Variants in DNAH14 observed in about 807,000 individuals in gnomAD.
The protein encoded by DNAH14 is axonemal beta dynein heavy chain 14.
Under a neutral mutation model 520.9 loss-of-function variants are expected in DNAH14, and 478 were observed. The observed-to-expected ratio is 0.92, with a 90% confidence interval of 0.85 to 0.99. The LOEUF is 0.99. Ranked by LOEUF, DNAH14 falls within the 50% of genes least tolerant of loss-of-function variation. DNAH14 has a pLI of 0.00. For synonymous variants in DNAH14, 1,581 were observed against 1,757.2 expected (o/e 0.90, Z 2.51); for missense variants, 4,831 against 5,234.5 (o/e 0.92, Z 2.38).
At position 225,060,900 on chromosome 1, in the gene DNAH14, C is replaced by G. The variant is rs377036823; in HGVS notation, c.2424+9105C>G. Reference sequence around the variant, plus strand: ...GTTTTGTCTCAGAGGAGTACCTGGCCGTGTGAGGTGTCAGTCTGCCCCTAC... The same window carrying G: ...GTTTTGTCTCAGAGGAGTACCTGGCGGTGTGAGGTGTCAGTCTGCCCCTAC... On this transcript the variant is annotated intron_variant, in intron 17 of 85. Coordinates refer to ENST00000682510, the MANE Select transcript of DNAH14 (RefSeq NM_001367479.1). Among the ~76,000 whole-genome samples the G allele has an allele frequency of 4.0e-4, 22 of 54,732 alleles. 2 individuals are homozygous for G. The East Asian group carries it at 5.6e-3, about 14-fold the overall frequency. 35.9% of individuals were successfully genotyped at this position (54,732 alleles called of 152,430 possible).
At chr1:225,394,715 G>A (rs1226055063) in intron 84 of DNAH14, among the ~76,000 whole-genome samples, 2 of 152,012 alleles carry the variant, frequency 1.3e-5, no homozygotes, top group Admixed American at 6.6e-5. Context: ...TGGGTGGTGC[G>A]CATGTGTAAT....
chr1:225,389,692 A>G (rs1217207235), intron 82 of DNAH14, 42 bp from the exon 83 acceptor site: 1 of 1,546,626 alleles, frequency 6.5e-7, no homozygotes, highest in Non-Finnish European at 8.7e-7. Context: ...GTGTGCAATT[A>G]TTATGCCCTT....
chr1:225,210,128 G>C (rs945722162), intron 41 of DNAH14, among the ~76,000 whole-genome samples: 1 of 151,920 alleles, frequency 6.6e-6, no homozygotes, highest in Non-Finnish European at 1.5e-5. Flanking sequence ...CCCCAGTGGG[G>C]TACTTACTGG....
At chr1:225,017,623 C>T (rs750300686) in intron 10 of DNAH14, among the ~76,000 whole-genome samples, 8 of 152,222 alleles carry the variant, frequency 5.3e-5, no homozygotes, top group Non-Finnish European at 1.0e-4. Context: ...ACCACTGCCA[C>T]ATTGGAGTGT....
intron 8 of DNAH14, among the ~76,000 whole-genome samples, chr1:224,996,124 T>A (rs1334612157): frequency 6.6e-6 from 1 of 152,080 alleles, no homozygotes; most frequent in Non-Finnish European, 1.5e-5. Context: ...GTTCTTGTGT[T>A]GATATCTGTG....
intron 10 of DNAH14, among the ~76,000 whole-genome samples, chr1:225,012,576 C>T (rs1168717001): frequency 6.6e-6 from 1 of 152,152 alleles, no homozygotes; most frequent in Non-Finnish European, 1.5e-5. Flanking sequence ...GTTCCGTTCT[C>T]CCTGTCACTT....
At chr1:225,170,322 G>A (rs1280051117) in intron 36 of DNAH14, among the ~76,000 whole-genome samples, 6 of 152,166 alleles carry the variant, frequency 3.9e-5, no homozygotes, top group Admixed American at 3.9e-4. Context: ...GACACAGACT[G>A]GCAAATTGGA....
intron 75 of DNAH14, among the ~76,000 whole-genome samples, chr1:225,363,167 T>C (rs550978323): frequency 6.6e-6 from 1 of 152,194 alleles, no homozygotes; most frequent in Non-Finnish European, 1.5e-5. Context: ...ATTTCTCTCA[T>C]ATATATGTAA....
At chr1:225,274,290 C>T (rs1333017774) in intron 52 of DNAH14, among the ~76,000 whole-genome samples, 1 of 149,136 alleles carries the variant, frequency 6.7e-6, no homozygotes, top group Non-Finnish European at 1.5e-5. Context: ...CTGCAAGCTC[C>T]GCCTTCCGGG....
chr1:225,042,824 C>A lies in DNAH14; in HGVS notation c.1489-11C>A. 6.5e-7 allele frequency: 1 copy of A among 1,542,410 alleles called. No individual in the cohort carries two copies. Among genetic ancestry groups the A allele is most frequent in the South Asian group, 1.2e-5 (1 of 82,086 alleles). On this transcript the variant is annotated splice_polypyrimidine_tract_variant and intron_variant, in intron 12 of 85. Coordinates refer to ENST00000682510, the MANE Select transcript of DNAH14 (RefSeq NM_001367479.1). ...TTGTCACTGGCACCCTCACATTATC[C>A]GTTAAATTAGATTTTGAATAGTGTT...
At chr1:224,991,098 T>A (rs1434231577) in intron 8 of DNAH14, among the ~76,000 whole-genome samples, 1 of 129,608 alleles carries the variant, frequency 7.7e-6, no homozygotes, top group African/African-American at 2.9e-5. Flanking sequence ...TTTTTTTTTT[T>A]TTTTTTTTTT....
chr1:224,978,188 A>T (rs923234171), intron 8 of DNAH14, among the ~76,000 whole-genome samples: 2 of 152,230 alleles, frequency 1.3e-5, no homozygotes, highest in Admixed American at 1.3e-4. Flanking sequence ...GGAAATCCAT[A>T]TATTGAAGAG....
intron 58 of DNAH14, 94 bp downstream of exon 58, chr1:225,305,183 C>CT (rs1446640185): frequency 7.3e-7 from 1 of 1,375,940 alleles, no homozygotes; most frequent in Non-Finnish European, 9.7e-7. Flanking sequence ...CCAAATCTGC[C>CT]TTTTTGGTGG....
chr1:225,051,789 A>T lies in DNAH14; in HGVS notation c.2418A>T (p.Leu806Phe), dbSNP rs918394053. 1 of 1,488,226 alleles carries T rather than the reference A, an allele frequency of 6.7e-7. No individual in the cohort carries two copies. The highest frequency in any genetic ancestry group is 1.4e-5 in the African/African-American group (1 of 70,226). The allele number at this position is 1,488,226 out of a possible 1,614,324, so 92.2% of individuals were successfully genotyped here. Residue 806 changes from leucine to phenylalanine, a missense_variant, in exon 17 of 86, where the codon TTA becomes TTT. Coordinates refer to ENST00000682510, the MANE Select transcript of DNAH14 (RefSeq NM_001367479.1). The stretch of plus-strand genomic sequence containing the variant: ...TAATTGAAAAAAAGAACAAAAATTT[A>T]TTGGAAGTAAGTATTTTGAAAATTC... The part of the protein sequence containing the change: ...QSVIEKKNKN[L>F]LEVVESSLQQ...
chr1:225,015,295 G>A (rs2065121204), intron 10 of DNAH14, among the ~76,000 whole-genome samples: 1 of 152,030 alleles, frequency 6.6e-6, no homozygotes, highest in African/African-American at 2.4e-5. Context: ...TTACTTTCAA[G>A]GTTATTCTTG....
At chr1:225,146,739 C>A (rs2079982139) in intron 30 of DNAH14, among the ~76,000 whole-genome samples, 1 of 152,218 alleles carries the variant, frequency 6.6e-6, no homozygotes, top group South Asian at 2.1e-4. Flanking sequence ...GCCCATCTGC[C>A]AGAAAGTTGT....
chr1:224,929,844 G>A lies in DNAH14; in HGVS notation c.-34+9G>A, dbSNP rs1462162272. ...GGACCACGGCGCGGCGGGTAAGGTC[G>A]TCAGCGTCTTCCTGTCAGCGGTCGG... On this transcript the variant is annotated intron_variant, in intron 1 of 85. Transcript: ENST00000682510. 1 of 683,272 alleles carries A rather than the reference G, an allele frequency of 1.5e-6. No homozygotes were observed. Among genetic ancestry groups the A allele is most frequent in the East Asian group, 2.7e-5 (1 of 36,442 alleles). The allele number at this position is 683,272 out of a possible 1,614,324, so 42.3% of individuals were successfully genotyped here. A position where few individuals can be genotyped will look rare whatever the true frequency, so the allele number is the denominator to read the frequency against.
chr1:225,237,303 C>A (rs2091659169), intron 42 of DNAH14, among the ~76,000 whole-genome samples: 1 of 152,044 alleles, frequency 6.6e-6, no homozygotes, highest in South Asian at 2.1e-4. Context: ...TCTTGCAAGG[C>A]AGGCCTGCTG....
At chr1:225,392,684 G>C (rs1340604594) in intron 84 of DNAH14, among the ~76,000 whole-genome samples, 2 of 152,218 alleles carry the variant, frequency 1.3e-5, no homozygotes, top group Non-Finnish European at 2.9e-5. Flanking sequence ...TTAAGTCAAT[G>C]TAATCAACAG....
Sources: allele counts gnomAD v4.1 joint callset (sites outside exome capture counted in the v4.1 genomes callset), GRCh38; gene constraint gnomAD v4.1.1; transcripts MANE v1.5; gene names NCBI Gene and HGNC (gene_info 2026-07-23, HGNC 2026-07-21).